The following COPA variants were observed in gnomAD, a reference collection of about 807,000 sequenced individuals.
COPA encodes the protein coat protein complex I subunit alpha.
In COPA, 10 loss-of-function variants were observed where a neutral mutation model predicts 158.7. That is an observed-to-expected ratio of 0.06 (90% confidence interval 0.04 to 0.11). The LOEUF is 0.11. COPA is among the 10% of genes least tolerant of loss of function. The probability of loss-of-function intolerance (pLI) is 1.00; values close to 1 mark genes in which losing one functional copy is unlikely to be tolerated. For missense variants in COPA, 1,065 were observed against 1,536.7 expected (o/e 0.69, Z 5.13); for synonymous variants, 462 against 542.8 (o/e 0.85, Z 2.07).
At chr1:160,318,487 A>AAAAAC (rs1557870049) in intron 8 of COPA, among the ~76,000 whole-genome samples, 2 of 67,922 alleles carry the variant, frequency 2.9e-5, no homozygotes, top group Admixed American at 1.9e-4. Flanking sequence ...AAAAAAAAAA[A>AAAAAC]AAAACAAAAA....
intron 28 of COPA, 91 bp from the exon 29 acceptor site, chr1:160,292,289 T>G: frequency 6.4e-7 from 1 of 1,553,040 alleles, no homozygotes; most frequent in Non-Finnish European, 8.7e-7. Flanking sequence ...ATAGCTACCC[T>G]CCTGTCTCCT....
chr1:160,292,704 G>T, intron 27 of COPA, 84 bp from the exon 28 acceptor site: 1 of 1,134,714 alleles, frequency 8.8e-7, no homozygotes, highest in Non-Finnish European at 1.3e-6. Context: ...TAATTTCTCT[G>T]TTCACGTTTC....
chr1:160,292,280 T>C, intron 28 of COPA, 82 bp from the exon 29 acceptor site: 1 of 1,563,786 alleles, frequency 6.4e-7, no homozygotes, highest in South Asian at 1.2e-5. Context: ...AACATCCTCA[T>C]AGCTACCCTC....
rs747017917 is a variant in COPA at position 160,306,367 on chromosome 1, C to A, written c.1429G>T (p.Val477Leu). The part of the protein sequence containing the change: ...RDADSITLFD[V>L]QQKRTLASVK... ...CTGATATGTTACCGCTTCTGCTGTA[C>A]GTCAAAGAGTGTGATAGAGTCCGCA... Residue 477 changes from valine to leucine, a missense_variant, in exon 15 of 33, where the codon GTA becomes TTA. By Grantham distance (32) the Val-to-Leu change is conservative. Coordinates refer to ENST00000241704, the MANE Select transcript of COPA (RefSeq NM_004371.4). The A allele has an allele frequency of 5.6e-6, 9 of 1,607,254 alleles. No homozygotes were observed. Among genetic ancestry groups the A allele is most frequent in the Non-Finnish European group, 7.6e-6 (9 of 1,176,488 alleles).
At chr1:160,325,802 T>C (rs1659473532) in intron 6 of COPA, 150 bp from the exon 7 acceptor site, 1 of 643,726 alleles carries the variant, frequency 1.6e-6, no homozygotes, top group Non-Finnish European at 2.7e-6. Context: ...AATTCCTATT[T>C]CTAAAAATGT....
chr1:160,295,111 T>C (rs542109699), intron 23 of COPA, among the ~76,000 whole-genome samples: 43 of 152,208 alleles, frequency 2.8e-4, no homozygotes, highest in Admixed American at 4.6e-4. Context: ...CTTAAATAAT[T>C]TGTACTTACC....
intron 6 of COPA, among the ~76,000 whole-genome samples, chr1:160,329,733 C>G (rs1351487359): frequency 6.6e-6 from 1 of 152,198 alleles, no homozygotes; most frequent in Non-Finnish European, 1.5e-5. Flanking sequence ...ATATACCATT[C>G]TTAGAAGAAC....
intron 8 of COPA, chr1:160,317,356 G>A (rs1419640611): frequency 8.2e-6 from 13 of 1,583,408 alleles, no homozygotes; most frequent in South Asian, 6.6e-5. Context: ...CTGCTTACCC[G>A]AGGCCGCTGC....
intron 6 of COPA, among the ~76,000 whole-genome samples, chr1:160,327,852 C>T (rs1054278390): frequency 3.7e-4 from 56 of 152,166 alleles, no homozygotes; most frequent in Middle Eastern, 3.4e-3. Flanking sequence ...AGTGAAACTC[C>T]GTCTCAAAAA....
chr1:160,323,441 C>G lies in COPA; in HGVS notation c.696G>C (p.Trp232Cys). 1 of 1,607,834 alleles carries G rather than the reference C, an allele frequency of 6.2e-7. No individual in the cohort carries two copies. Among genetic ancestry groups the G allele is most frequent in the Non-Finnish European group, 8.5e-7 (1 of 1,176,358 alleles). Residue 232 changes from tryptophan to cysteine, a missense_variant, in exon 8 of 33, where the codon TGG becomes TGC. This residue lies in a region of COPA where 980 missense variants were observed against 1,357.8 expected (regional missense o/e 0.72). Coordinates refer to ENST00000241704, the MANE Select transcript of COPA (RefSeq NM_004371.4). ...SGADDRQVKI[W>C]RMNESKAWEV... ...AACCGGTTCACTCACCATTCATGCG[C>G]CAGATCTTCACTTGACGATCATCTG...
At chr1:160,341,812 G>A (rs1648077154) in intron 1 of COPA, among the ~76,000 whole-genome samples, 1 of 151,522 alleles carries the variant, frequency 6.6e-6, no homozygotes, top group Non-Finnish European at 1.5e-5. Flanking sequence ...TTTCCATTAG[G>A]TTCTTTTTTT....
chr1:160,303,036 G>A (rs970771176), intron 17 of COPA, among the ~76,000 whole-genome samples: 2 of 152,044 alleles, frequency 1.3e-5, no homozygotes, highest in Non-Finnish European at 2.9e-5. Flanking sequence ...AGCTGGGTGT[G>A]GTGGCATGCG....
chr1:160,296,568 A>G (rs1658420953), intron 21 of COPA, among the ~76,000 whole-genome samples: 3 of 152,208 alleles, frequency 2.0e-5, no homozygotes, highest in South Asian at 4.1e-4. Context: ...GAGTCTTCAG[A>G]TATCTGCAGT....
At chr1:160,318,347 C>T (rs1659213279) in intron 8 of COPA, among the ~76,000 whole-genome samples, 1 of 151,200 alleles carries the variant, frequency 6.6e-6, no homozygotes, top group Non-Finnish European at 1.5e-5. Flanking sequence ...TAAAGCTATA[C>T]ATGCAGAAAT....
chr1:160,332,357 C>A (rs1571182009), intron 6 of COPA, 91 bp downstream of exon 6: 1 of 727,806 alleles, frequency 1.4e-6, no homozygotes, highest in Non-Finnish European at 2.2e-6. Context: ...TCTAAATTTT[C>A]CAGTTCTAAG....
chr1:160,314,781 A>G (rs1325422911), intron 8 of COPA, among the ~76,000 whole-genome samples: 1 of 152,146 alleles, frequency 6.6e-6, no homozygotes, highest in African/African-American at 2.4e-5. Context: ...TTTAGAACAA[A>G]TATGAGCTCC....
chr1:160,326,393 G>C (rs1461314946), intron 6 of COPA, among the ~76,000 whole-genome samples: 1 of 152,202 alleles, frequency 6.6e-6, no homozygotes, highest in Non-Finnish European at 1.5e-5. Flanking sequence ...TAGGTGCAGT[G>C]GCGCGAGCCT....
rs1658655849 is a variant in COPA at position 160,302,786 on chromosome 1, C to A, written c.1667+2647G>T. On this transcript the variant is annotated intron_variant, in intron 17 of 32. Coordinates refer to ENST00000241704, the MANE Select transcript of COPA (RefSeq NM_004371.4). Reference sequence around the variant, plus strand: ...AGCCAGGATGGTCTCGATCTCCTGACCTCGTGATCCACCCGCCTCAGCCTC... The same window carrying A: ...AGCCAGGATGGTCTCGATCTCCTGAACTCGTGATCCACCCGCCTCAGCCTC... 2.6e-5 allele frequency among the ~76,000 whole-genome samples: 4 copies of A among 151,786 alleles called. No homozygotes were observed. In the South Asian group the frequency reaches 6.2e-4, roughly 24 times the overall value.
chr1:160,306,959 G>A (rs1335018480), intron 14 of COPA, among the ~76,000 whole-genome samples: 2 of 152,176 alleles, frequency 1.3e-5, no homozygotes, highest in Admixed American at 6.5e-5. Context: ...CCAGAGCCAC[G>A]GCGATCATCA....
Sources: allele counts gnomAD v4.1 joint callset (sites outside exome capture counted in the v4.1 genomes callset), GRCh38; gene constraint gnomAD v4.1.1; regional missense constraint gnomAD v4.1.1; transcripts MANE v1.5; gene names NCBI Gene and HGNC (gene_info 2026-07-23, HGNC 2026-07-21).